RHPN2: variants seen among roughly 807,000 people sequenced by gnomAD.
The protein encoded by RHPN2 is rhophilin-2.
Under a neutral mutation model 79.0 loss-of-function variants are expected in RHPN2, and 40 were observed. The observed-to-expected ratio is 0.51, with a 90% CI of 0.39 to 0.66. The LOEUF (loss-of-function observed/expected upper bound fraction) is 0.66, where lower values mean the gene tolerates loss of function less well. RHPN2 is among the 30% of genes least tolerant of loss of function. The pLI is 0.00. For missense variants in RHPN2, 686 were observed against 883.5 expected (o/e 0.78, Z 2.83); for synonymous variants, 285 against 363.5 (o/e 0.78, Z 2.46).
chr19:33,041,297 TG>T (rs1972098294), intron 2 of RHPN2, among the ~76,000 whole-genome samples: 1 of 152,090 alleles, frequency 6.6e-6, no homozygotes, highest in Non-Finnish European at 1.5e-5. Flanking sequence ...AATTTACAAC[TG>T]AAACCACCCA....
intron 2 of RHPN2, among the ~76,000 whole-genome samples, chr19:33,028,065 T>C (rs1397887881): frequency 6.6e-6 from 1 of 152,006 alleles, no homozygotes; most frequent in African/African-American, 2.4e-5. Flanking sequence ...CTATCTTATA[T>C]ATAGAAAATC....
chr19:33,002,730 T>C lies in RHPN2; in HGVS notation c.948+83A>G, dbSNP rs556911689. On this transcript the variant is annotated intron_variant, in intron 8 of 14. Coordinates refer to ENST00000254260, the MANE Select transcript of RHPN2 (RefSeq NM_033103.5). ...TGCCCAGGTCACAGGCAAGCTCCCA[T>C]GGGAAGGCCCCGCTACTTCCAGTGC... 80 of 1,493,372 alleles carry C rather than the reference T, an allele frequency of 5.4e-5. No homozygotes were observed. In the African/African-American group the frequency reaches 8.7e-4, roughly 16 times the overall value. The allele number at this position is 1,493,372 out of a possible 1,614,324, so 92.5% of individuals were successfully genotyped here.
intron 7 of RHPN2, among the ~76,000 whole-genome samples, chr19:33,004,869 G>T (rs1449504345): frequency 6.6e-6 from 1 of 151,822 alleles, no homozygotes; most frequent in Non-Finnish European, 1.5e-5. Flanking sequence ...TAACAGGCGT[G>T]AGCCACCCCA....
intron 2 of RHPN2, among the ~76,000 whole-genome samples, chr19:33,043,320 G>A (rs957645746): frequency 1.3e-5 from 2 of 152,108 alleles, no homozygotes; most frequent in Admixed American, 1.3e-4. Flanking sequence ...CGAGGTGGAG[G>A]CAGACGGATC....
intron 1 of RHPN2, among the ~76,000 whole-genome samples, 165 bp downstream of exon 1, chr19:33,064,619 C>T (rs939656817): frequency 1.3e-5 from 2 of 152,080 alleles, no homozygotes; most frequent in African/African-American, 4.8e-5. Flanking sequence ...TCGCCGCCCC[C>T]ACTCCTCCCC....
rs1007486362 is a variant in RHPN2 at position 33,040,231 on chromosome 19, C to CTTTT, written c.185+4014_185+4017dup. On this transcript the variant is annotated intron_variant, in intron 2 of 14. Coordinates refer to ENST00000254260, the MANE Select transcript of RHPN2 (RefSeq NM_033103.5). ...AACTAGTTAAAACTAGGCAACCTGC[C>CTTTT]TTTTTTTTTTTTTTTTTTTTTTTGA... Among the ~76,000 whole-genome samples the CTTTT allele has an allele frequency of 8.1e-3, 794 of 97,756 alleles. 47 individuals carry two copies. The highest frequency in any genetic ancestry group is 0.034 in the African/African-American group (734 of 21,852). 64.1% of individuals were successfully genotyped at this position (97,756 alleles called of 152,430 possible).
At chr19:32,992,667 C>T (rs1479965623) in intron 12 of RHPN2, among the ~76,000 whole-genome samples, 3 of 151,958 alleles carry the variant, frequency 2.0e-5, no homozygotes, top group Non-Finnish European at 4.4e-5. Context: ...AAGAATTAGC[C>T]AGGCATGGTG....
chr19:32,996,305 T>C (rs796966920), intron 10 of RHPN2, 85 bp from the exon 11 acceptor site: 1 of 1,439,816 alleles, frequency 6.9e-7, no homozygotes, highest in Non-Finnish European at 9.7e-7. Context: ...AGAGGTTGGA[T>C]GTTCTCTTTT....
At chr19:33,033,455 A>G (rs970141472) in intron 2 of RHPN2, among the ~76,000 whole-genome samples, 1 of 152,118 alleles carries the variant, frequency 6.6e-6, no homozygotes, top group African/African-American at 2.4e-5. Flanking sequence ...ACTCTCAGCT[A>G]CTCGGGAGGC....
At chr19:33,051,751 T>C (rs10426804) in intron 1 of RHPN2, 27,220 of 175,104 alleles carry the variant, frequency 0.16, 2,315 homozygotes, top group Middle Eastern at 0.21. Context: ...CCTGGTGTGG[T>C]GGCTCACGTG....
chr19:33,053,425 CTT>C (rs11297306), intron 1 of RHPN2, among the ~76,000 whole-genome samples: 100 of 131,944 alleles, frequency 7.6e-4, no homozygotes, highest in South Asian at 2.7e-3. Flanking sequence ...AACAGTTTTG[CTT>C]TTTTTTTTTT....
At chr19:33,063,825 C>G (rs1434479270) in intron 1 of RHPN2, among the ~76,000 whole-genome samples, 1 of 151,346 alleles carries the variant, frequency 6.6e-6, no homozygotes, top group Non-Finnish European at 1.5e-5. Flanking sequence ...GCCCGCCGCC[C>G]GCCGCCCGCC....
chr19:33,010,869 T>C (rs890603500), intron 6 of RHPN2, among the ~76,000 whole-genome samples: 2 of 151,112 alleles, frequency 1.3e-5, no homozygotes, highest in African/African-American at 4.9e-5. Context: ...TGTTTGTAGA[T>C]ATGGGGTTTT....
In RHPN2 at chr19:32,983,258, A is replaced by C. The variant is rs141687945; in HGVS notation, c.1801-3002T>G. Reference sequence around the variant, plus strand: ...CGGGGCGTGGTGGCTCACGCCTGTAATCCCAGCACTTTGGGAGGCCAAGGC... The same window carrying C: ...CGGGGCGTGGTGGCTCACGCCTGTACTCCCAGCACTTTGGGAGGCCAAGGC... On this transcript the variant is annotated intron_variant, in intron 14 of 14. Coordinates refer to ENST00000254260, the MANE Select transcript of RHPN2 (RefSeq NM_033103.5). Among the ~76,000 whole-genome samples the C allele has an allele frequency of 6.0e-3, 919 of 151,984 alleles. 13 individuals carry two copies. The highest frequency in any genetic ancestry group is 0.021 in the African/African-American group (850 of 41,444).
At position 33,007,862 on chromosome 19, in the gene RHPN2, C is replaced by T. The variant is rs541137599; in HGVS notation, c.760+152G>A. 131 of 851,092 alleles carry T rather than the reference C, an allele frequency of 1.5e-4. No homozygotes were observed. In the South Asian group the frequency reaches 2.0e-3, roughly 13 times the overall value. The allele number at this position is 851,092 out of a possible 1,614,324, so 52.7% of individuals were successfully genotyped here. On this transcript the variant is annotated intron_variant, in intron 7 of 14. Transcript: ENST00000254260. ...ACAGGCGTGAGCCACCGCGCCCGGC[C>T]GGAGCAAGTTTCTTAATGGGAAGTT...
chr19:33,001,609 T>C, intron 9 of RHPN2, among the ~76,000 whole-genome samples: 1 of 152,224 alleles, frequency 6.6e-6, no homozygotes, highest in African/African-American at 2.4e-5. Flanking sequence ...TTTATTTTAT[T>C]ATTATTAGTT....
At chr19:33,036,736 G>A (rs1025553398) in intron 2 of RHPN2, among the ~76,000 whole-genome samples, 3 of 152,200 alleles carry the variant, frequency 2.0e-5, no homozygotes, top group Non-Finnish European at 4.4e-5. Context: ...ACTAGGAGCC[G>A]ACGTCCGGCC....
chr19:33,037,940 C>T (rs1056681694), intron 2 of RHPN2, among the ~76,000 whole-genome samples: 68 of 152,238 alleles, frequency 4.5e-4, no homozygotes, highest in Non-Finnish European at 2.9e-4. Context: ...TGGTGGCTCA[C>T]AGCTGTCATC....
chr19:32,993,117 C>CA (rs1971674125), intron 12 of RHPN2, among the ~76,000 whole-genome samples: 1 of 51,680 alleles, frequency 1.9e-5, no homozygotes, highest in Non-Finnish European at 3.2e-5. Context: ...GACCATGTCT[C>CA]TAAAAAAACT....
Sources: gnomAD v4.1 joint callset for allele counts (sites outside exome capture counted in the v4.1 genomes callset) on GRCh38, gnomAD v4.1.1 for gene constraint, MANE v1.5 for transcripts, NCBI Gene and HGNC (gene_info 2026-07-23, HGNC 2026-07-21) for gene names.